The following FSD1 variants were observed in gnomAD, a reference collection of about 807,000 sequenced individuals.
The protein encoded by FSD1 is fibronectin type III and SPRY domain-containing protein 1.
A neutral mutation model predicts 58.2 loss-of-function variants in FSD1; 23 were observed. The observed-to-expected ratio is 0.40, with a 90% CI of 0.28 to 0.56. The LOEUF is 0.56. Ranked by LOEUF, FSD1 falls within the 20% of genes least tolerant of loss-of-function variation. The pLI is 0.54. For missense variants in FSD1, 563 were observed against 670.8 expected (o/e 0.84, Z 1.78); for synonymous variants, 265 against 263.4 (o/e 1.01, Z -0.06).
Position 4,323,324 on chromosome 19 carries a change from T to C in FSD1, c.1292-24T>C. On this transcript the variant is annotated intron_variant, in intron 11 of 12. Coordinates refer to ENST00000221856, the MANE Select transcript of FSD1 (RefSeq NM_024333.3). The surrounding 1 kb of genome is among the most constrained non-coding windows in gnomAD (Gnocchi z 7.7). ...CCATCCCACTTCTGACCGGTCCCACTGTCACTCTGCCCCCCGACCCCAGGC... is the reference window on the plus strand; with the variant it reads ...CCATCCCACTTCTGACCGGTCCCACCGTCACTCTGCCCCCCGACCCCAGGC... The C allele has an allele frequency of 6.2e-7, 1 of 1,607,392 alleles. No individual in the cohort carries two copies. The highest frequency in any genetic ancestry group is 8.5e-7 in the Non-Finnish European group (1 of 1,175,038).
intron 8 of FSD1, among the ~76,000 whole-genome samples, chr19:4,318,009 T>C (rs1447316768): frequency 6.6e-6 from 1 of 151,972 alleles, no homozygotes; most frequent in Admixed American, 6.6e-5. Flanking sequence ...AGAGCGAGAC[T>C]CCATCTCAAA....
At chr19:4,314,775 A>G (rs1971735250) in intron 7 of FSD1, among the ~76,000 whole-genome samples, 1 of 152,052 alleles carries the variant, frequency 6.6e-6, no homozygotes, top group Non-Finnish European at 1.5e-5. Context: ...GTGAGCCACC[A>G]CGCCCCGCCA....
Position 4,323,470 on chromosome 19 carries a change from G to A in FSD1, c.1380+34G>A. 1 of 1,601,940 alleles carries A rather than the reference G, an allele frequency of 6.2e-7. No individual in the cohort carries two copies. The highest frequency in any genetic ancestry group is 1.1e-5 in the South Asian group (1 of 90,558). ...CCCTCCGCGGCCCAGGGGGAGGAGA[G>A]GGTGGTGCTGGGCGCTGGGGTTTGA... On this transcript the variant is annotated intron_variant, in intron 12 of 12. Transcript: ENST00000221856. This position sits in a 1 kb window ranked among gnomAD's most constrained non-coding sequence, Gnocchi z 7.7.
intron 10 of FSD1, among the ~76,000 whole-genome samples, chr19:4,319,514 C>T (rs1347246257): frequency 2.6e-5 from 4 of 152,060 alleles, no homozygotes. Flanking sequence ...CAGAATAGAG[C>T]TGGAGAAAGA....
chr19:4,322,921 G>A, intron 10 of FSD1, 65 bp from the exon 11 acceptor site: 1 of 1,532,244 alleles, frequency 6.5e-7, no homozygotes, highest in Non-Finnish European at 8.8e-7. Context: ...GGCCCTTTGT[G>A]GAAGGGCATC....
chr19:4,306,132 C>G, intron 2 of FSD1, 66 bp from the exon 3 acceptor site: 4 of 1,611,648 alleles, frequency 2.5e-6, no homozygotes, highest in Non-Finnish European at 3.4e-6. Context: ...CTGTTGATGC[C>G]TGTGGGAGGT....
In FSD1 at chr19:4,304,727, G is replaced by A; in HGVS notation, c.-20G>A. 8.2e-7 allele frequency: 1 copy of A among 1,224,120 alleles called. No homozygotes were observed. The allele number at this position is 1,224,120 out of a possible 1,614,324, so 75.8% of individuals were successfully genotyped here. ...TGCGCGGGGCCCGCGGGCCGGGCCGGGGTGACCTGGGCTGCAGCCATGGAA... is the reference window on the plus strand; with the variant it reads ...TGCGCGGGGCCCGCGGGCCGGGCCGAGGTGACCTGGGCTGCAGCCATGGAA... On this transcript the variant is annotated 5_prime_UTR_variant, in exon 1 of 13. Coordinates refer to ENST00000221856, the MANE Select transcript of FSD1 (RefSeq NM_024333.3).
rs772027664 is a variant in FSD1, at chr19:4,323,135, A to T, written c.1189A>T (p.Asn397Tyr). Residue 397 changes from asparagine to tyrosine, a missense_variant, in exon 11 of 13, where the codon AAT (asparagine) becomes TAT (tyrosine). Asn to Tyr is a moderately radical substitution (Grantham distance 143). Transcript: ENST00000221856. This position sits in a 1 kb window ranked among gnomAD's most constrained non-coding sequence, Gnocchi z 7.7. ...TAASWCLHVN[N>Y]WLQVSFTAKH... Reference sequence around the variant, plus strand: ...CGCCTCCTGGTGCCTGCACGTCAACAATTGGCTGCAGGTCAGCTTCACGGC... The same window carrying T: ...CGCCTCCTGGTGCCTGCACGTCAACTATTGGCTGCAGGTCAGCTTCACGGC... The T allele has an allele frequency of 6.2e-7, 1 of 1,606,008 alleles. No individual in the cohort carries two copies. Among genetic ancestry groups the T allele is most frequent in the Non-Finnish European group, 8.5e-7 (1 of 1,179,760 alleles).
At chr19:4,306,419 C>G (rs1971623164) in intron 3 of FSD1, 90 bp downstream of exon 3, 1 of 1,384,374 alleles carries the variant, frequency 7.2e-7, no homozygotes, top group Admixed American at 1.9e-5. Flanking sequence ...AAACTGGGTG[C>G]TCTCGAGTTT....
chr19:4,317,225 C>T lies in FSD1; in HGVS notation c.744C>T (p.Ala248=). 1.2e-6 allele frequency: 2 copies of T among 1,613,276 alleles called. No individual in the cohort carries two copies. Among genetic ancestry groups the T allele is most frequent in the Non-Finnish European group, 8.5e-7 (1 of 1,179,340 alleles). ...DMKYMNFRVK[A]CNKAVAGEFS... is the part of the protein sequence containing the mutation. ...AATACATGAACTTCCGTGTGAAGGC[C>T]TGTAACAAGGCAGTTGCAGGAGAGT... Residue 248 remains alanine, a synonymous_variant, in exon 8 of 13, where the codon GCC becomes GCT. Transcript: ENST00000221856.
chr19:4,304,631 G>T lies in FSD1; in HGVS notation c.-116G>T. On this transcript the variant is annotated 5_prime_UTR_variant, in exon 1 of 13. Transcript: ENST00000221856. ...CGCGGTGATGGAGCGCTAACCGGGG[G>T]CGCGGCGGCGGCGAGGGCTCGGCGG... 1 of 545,746 alleles carries T rather than the reference G, an allele frequency of 1.8e-6. No individual in the cohort carries two copies. The highest frequency in any genetic ancestry group is 3.7e-5 in the East Asian group (1 of 27,288). The allele number at this position is 545,746 out of a possible 1,614,324, so 33.8% of individuals were successfully genotyped here.
Position 4,307,927 on chromosome 19 carries a change from C to A in FSD1, c.289C>A (p.Leu97Ile). ...CTRALESSEE[L>I]LETANQTLQA... ...GCGGGCCCTGGAGAGCTCCGAGGAGCTTCTGGAGACAGCCAACCAGACTCT... is the reference window on the plus strand; with the variant it reads ...GCGGGCCCTGGAGAGCTCCGAGGAGATTCTGGAGACAGCCAACCAGACTCT... The change falls in exon 4 of 13, where the codon CTT (leucine) becomes ATT (isoleucine). Residue 97 changes from leucine to isoleucine, a missense_variant. Leu to Ile is a conservative substitution (Grantham distance 5, BLOSUM62 2). Coordinates refer to ENST00000221856, the MANE Select transcript of FSD1 (RefSeq NM_024333.3). 1 of 1,613,950 alleles carries A rather than the reference C, an allele frequency of 6.2e-7. No individual in the cohort carries two copies. Among genetic ancestry groups the A allele is most frequent in the Non-Finnish European group, 8.5e-7 (1 of 1,179,942 alleles).
At position 4,309,887 on chromosome 19, in the gene FSD1, C is replaced by T. The variant is rs530593830; in HGVS notation, c.346-386C>T. ...TCGTGCCACTGCACTCCAGCCTGAA[C>T]GACAGAGCAAGACTCCATCTCAAAA... On this transcript the variant is annotated intron_variant, in intron 4 of 12. Coordinates refer to ENST00000221856, the MANE Select transcript of FSD1 (RefSeq NM_024333.3). Among the ~76,000 whole-genome samples the T allele has an allele frequency of 6.9e-4, 100 of 144,166 alleles. 2 individuals are homozygous for T. The South Asian group carries it at 0.02, about 29-fold the overall frequency. 94.6% of individuals were successfully genotyped at this position (144,166 alleles called of 152,430 possible).
At position 4,318,605 on chromosome 19, in the gene FSD1, C is replaced by T. The variant is rs181475490; in HGVS notation, c.959+100C>T. The stretch of plus-strand genomic sequence containing the variant: ...GTCAGAGTTGGGGTGGAGAGGGGAC[C>T]TGGGGCTGGTGGAACCCAGAGAGGG... On this transcript the variant is annotated intron_variant, in intron 9 of 12. Transcript: ENST00000221856. 63 of 1,144,012 alleles carry T rather than the reference C, an allele frequency of 5.5e-5. 1 individual carries two copies. The African/African-American group carries it at 7.8e-4, about 14-fold the overall frequency. The allele number at this position is 1,144,012 out of a possible 1,614,324, so 70.9% of individuals were successfully genotyped here.
At chr19:4,306,757 C>T (rs1971627143) in intron 3 of FSD1, among the ~76,000 whole-genome samples, 1 of 151,664 alleles carries the variant, frequency 6.6e-6, no homozygotes, top group Admixed American at 6.6e-5. Flanking sequence ...CCTGGCCCAT[C>T]TGTGCTCTCT....
intron 8 of FSD1, among the ~76,000 whole-genome samples, chr19:4,317,718 G>C (rs960278985): frequency 1.3e-5 from 2 of 152,142 alleles, no homozygotes; most frequent in Non-Finnish European, 2.9e-5. Context: ...AGTGCAATTG[G>C]CTTGAAAATG....
rs971615351 is a variant in FSD1, at chr19:4,323,757, TGGG to T, written c.*119_*121del. ...TGCTGCTTGGAGCCTTAACTCCAGATGGGGGGGTCACCAAGAGGGAGTGGGCAC... is the reference window on the plus strand; with the variant it reads ...TGCTGCTTGGAGCCTTAACTCCAGATGGGGTCACCAAGAGGGAGTGGGCAC... On this transcript the variant is annotated 3_prime_UTR_variant, in exon 13 of 13. Coordinates refer to ENST00000221856, the MANE Select transcript of FSD1 (RefSeq NM_024333.3). This position sits in a 1 kb window ranked among gnomAD's most constrained non-coding sequence, Gnocchi z 7.7. 2.7e-6 allele frequency: 2 copies of T among 728,332 alleles called. No homozygotes were observed. Among genetic ancestry groups the T allele is most frequent in the Non-Finnish European group, 4.5e-6 (2 of 444,078 alleles). The allele number at this position is 728,332 out of a possible 1,614,324, so 45.1% of individuals were successfully genotyped here.
chr19:4,313,806 A>C (rs1971722746), intron 7 of FSD1, among the ~76,000 whole-genome samples: 1 of 151,682 alleles, frequency 6.6e-6, no homozygotes, highest in South Asian at 2.1e-4. Context: ...TGGGTGGATC[A>C]CTTGAGGTCA....
intron 6 of FSD1, 172 bp downstream of exon 6, chr19:4,310,768 C>A (rs1369081874): frequency 2.9e-6 from 2 of 678,298 alleles, no homozygotes; most frequent in Non-Finnish European, 4.8e-6. Flanking sequence ...TCTCATGGAG[C>A]CCCGCCCCTG....
Sources: allele counts gnomAD v4.1 joint callset (sites outside exome capture counted in the v4.1 genomes callset), GRCh38; gene constraint gnomAD v4.1.1; non-coding constraint Gnocchi (gnomAD v3.1); transcripts MANE v1.5; gene names NCBI Gene and HGNC (gene_info 2026-07-23, HGNC 2026-07-21).